Variants in NADSYN1 observed in about 807,000 individuals in gnomAD.
The protein encoded by NADSYN1 is glutamine-dependent NAD(+) synthetase.
In NADSYN1, 80 loss-of-function variants were observed where a neutral mutation model predicts 99.3. The ratio of observed to expected loss-of-function variants is 0.81; its 90% CI spans 0.67 to 0.97. NADSYN1 has a LOEUF of 0.97. Ranked by LOEUF, NADSYN1 falls within the 50% of genes least tolerant of loss-of-function variation. The probability of loss-of-function intolerance (pLI) is 0.00; values close to 1 mark genes in which losing one functional copy is unlikely to be tolerated. For missense variants in NADSYN1, 859 were observed against 948.5 expected, an observed-to-expected ratio of 0.91 and a Z score of 1.24; for synonymous variants, 385 against 372.1, an observed-to-expected ratio of 1.03 and a Z score of -0.40.
At chr11:71,483,688 G>T (rs1949724190) in intron 14 of NADSYN1, among the ~76,000 whole-genome samples, 1 of 152,150 alleles carries the variant, frequency 6.6e-6, no homozygotes, top group South Asian at 2.1e-4. Context: ...TCTCCTCCTA[G>T]ATATGTACTC....
intron 10 of NADSYN1, chr11:71,478,776 A>C (rs1949686263): frequency 3.0e-6 from 1 of 330,932 alleles, no homozygotes; most frequent in African/African-American, 2.1e-5. Context: ...GCAGCCTTGG[A>C]GCCCAGGAAG....
intron 20 of NADSYN1, among the ~76,000 whole-genome samples, chr11:71,500,388 C>CCT (rs397726785): frequency 6.6e-6 from 1 of 151,896 alleles, no homozygotes; most frequent in Non-Finnish European, 1.5e-5. Context: ...GTTGACCCCC[C>CCT]GAGGAGACAT....
intron 13 of NADSYN1, 88 bp downstream of exon 13, chr11:71,482,113 C>T: frequency 8.4e-7 from 1 of 1,188,930 alleles, no homozygotes; most frequent in Non-Finnish European, 1.2e-6. Context: ...GCAGAGGAAA[C>T]ACCCGTGCCA....
chr11:71,476,021 C>G (rs749733822), intron 9 of NADSYN1: 51 of 456,126 alleles, frequency 1.1e-4, no homozygotes, highest in South Asian at 7.6e-4. Context: ...GCCTCTCTTT[C>G]TGTTTTTGAA....
At chr11:71,483,149 C>T (rs573676257) in intron 14 of NADSYN1, 132 bp downstream of exon 14, 45 of 1,094,874 alleles carry the variant, frequency 4.1e-5, no homozygotes, top group South Asian at 1.6e-4. Context: ...TGTGGATAAA[C>T]GTGTAAGTGC....
intron 17 of NADSYN1, 111 bp downstream of exon 17, chr11:71,491,087 A>C (rs1239368953): frequency 1.4e-6 from 2 of 1,447,576 alleles, no homozygotes; most frequent in East Asian, 4.6e-5. Flanking sequence ...TTGCCTGCTG[A>C]ATGGTCCTGC....
chr11:71,481,899 C>T (rs535402617), intron 12 of NADSYN1, 24 bp from the exon 13 acceptor site: 14 of 1,604,760 alleles, frequency 8.7e-6, no homozygotes, highest in East Asian at 2.2e-5. Flanking sequence ...GCTCTGCTCA[C>T]GCTGTCTGAT....
At chr11:71,465,917 C>T (rs187949384) in intron 5 of NADSYN1, among the ~76,000 whole-genome samples, 97 of 152,268 alleles carry the variant, frequency 6.4e-4, no homozygotes, top group Admixed American at 1.2e-3. Flanking sequence ...ATATAATATA[C>T]AATGAATTTT....
At chr11:71,494,901 C>G (rs1334289499) in intron 18 of NADSYN1, among the ~76,000 whole-genome samples, 1 of 152,132 alleles carries the variant, frequency 6.6e-6, no homozygotes, top group African/African-American at 2.4e-5. Flanking sequence ...TCTTTCATTA[C>G]TGATTTTAGT....
At chr11:71,481,265 C>G in intron 11 of NADSYN1, 91 bp from the exon 12 acceptor site, 1 of 1,352,054 alleles carries the variant, frequency 7.4e-7, no homozygotes, top group Non-Finnish European at 1.1e-6. Flanking sequence ...GACTCTGGCA[C>G]TGCAGCCTCC....
At chr11:71,477,839 T>C (rs1448081865) in intron 9 of NADSYN1, among the ~76,000 whole-genome samples, 1 of 152,184 alleles carries the variant, frequency 6.6e-6, no homozygotes, top group African/African-American at 2.4e-5. Flanking sequence ...CCCTCCTCTG[T>C]GTTGGCCTGT....
intron 12 of NADSYN1, 193 bp from the exon 13 acceptor site, chr11:71,481,730 G>A: frequency 3.3e-6 from 2 of 609,338 alleles, no homozygotes; most frequent in Non-Finnish European, 5.8e-6. Context: ...CCGCAGTGAA[G>A]TGTCTTTTTT....
Position 71,490,222 on chromosome 11 carries a change from G to A in NADSYN1, c.1563-623G>A, listed in dbSNP as rs557270359. On this transcript the variant is annotated intron_variant, in intron 16 of 20. Coordinates refer to ENST00000319023, the MANE Select transcript of NADSYN1 (RefSeq NM_018161.5). ...CTCCGTCTTCACCACCAGCGGCCTCGCGTCTCTGCCTTTCCCCTGCAGTCA... is the reference window on the plus strand; with the variant it reads ...CTCCGTCTTCACCACCAGCGGCCTCACGTCTCTGCCTTTCCCCTGCAGTCA... Among the ~76,000 whole-genome samples the A allele has an allele frequency of 5.9e-5, 9 of 152,228 alleles. No individual in the cohort carries two copies. In the South Asian group the frequency reaches 1.7e-3, roughly 28 times the overall value.
At chr11:71,500,845 A>G (rs2120536180) in intron 20 of NADSYN1, among the ~76,000 whole-genome samples, 1 of 152,250 alleles carries the variant, frequency 6.6e-6, no homozygotes, top group South Asian at 2.1e-4. Flanking sequence ...CCTGAGTCCC[A>G]GTGTCCCTGG....
At chr11:71,461,149 TG>T (rs1293983879) in intron 3 of NADSYN1, among the ~76,000 whole-genome samples, 1 of 152,222 alleles carries the variant, frequency 6.6e-6, no homozygotes, top group Non-Finnish European at 1.5e-5. Flanking sequence ...CGTTGTTCGG[TG>T]TGTGACTTTG....
At position 71,482,879 on chromosome 11, in the gene NADSYN1, T is replaced by C. The variant is rs1385372122; in HGVS notation, c.1181T>C (p.Ile394Thr). ...GAAGTGCTGGCTGATGTCCGCACCA[T>C]CGTGAACCAGATCAGCTACACCCCC... Reference protein sequence around the residue: ...NEEVLADVRTIVNQISYTPQD... With the variant: ...NEEVLADVRTTVNQISYTPQD... The change falls in exon 14 of 21, where the codon ATC becomes ACC. Residue 394 changes from isoleucine to threonine, a missense_variant. Ile to Thr is a moderately conservative substitution (Grantham distance 89). Coordinates refer to ENST00000319023, the MANE Select transcript of NADSYN1 (RefSeq NM_018161.5). The C allele has an allele frequency of 1.2e-6, 2 of 1,612,964 alleles. No homozygotes were observed. Among genetic ancestry groups the C allele is most frequent in the Admixed American group, 1.7e-5 (1 of 59,974 alleles).
intron 18 of NADSYN1, among the ~76,000 whole-genome samples, chr11:71,496,258 C>T (rs1260562195): frequency 2.6e-5 from 4 of 152,160 alleles, no homozygotes; most frequent in Non-Finnish European, 4.4e-5. Flanking sequence ...CTGGTCCCTC[C>T]GAAGGCTCTA....
chr11:71,481,236 G>A (rs535279575), intron 11 of NADSYN1, 120 bp from the exon 12 acceptor site: 35 of 1,001,822 alleles, frequency 3.5e-5, no homozygotes, highest in South Asian at 1.9e-4. Flanking sequence ...AGAGACGGGC[G>A]TCCTGAGAGC....
intron 19 of NADSYN1, among the ~76,000 whole-genome samples, chr11:71,497,831 A>T (rs1189864879): frequency 6.7e-6 from 1 of 149,700 alleles, no homozygotes; most frequent in East Asian, 1.9e-4. Context: ...GGTAAACACG[A>T]CATGAAACAA....
Sources: allele counts gnomAD v4.1 joint callset (sites outside exome capture counted in the v4.1 genomes callset), GRCh38; gene constraint gnomAD v4.1.1; transcripts MANE v1.5; gene names NCBI Gene and HGNC (gene_info 2026-07-23, HGNC 2026-07-21).